Variants in DPP6 observed in about 807,000 individuals in gnomAD.
DPP6 encodes dipeptidyl peptidase like 6.
In DPP6, 69 loss-of-function variants were observed where a neutral mutation model predicts 122.6. The observed-to-expected ratio is 0.56, with a 90% CI of 0.46 to 0.69. The LOEUF is 0.69. DPP6 is among the 30% of genes least tolerant of loss of function. The pLI is 0.00. For missense variants in DPP6, 928 were observed against 1,116.9 expected (o/e 0.83, Z 2.41); for synonymous variants, 418 against 433.1 (o/e 0.97, Z 0.43).
At chr7:154,085,876 C>T (rs1563183731) in intron 1 of DPP6, among the ~76,000 whole-genome samples, 1 of 152,166 alleles carries the variant, frequency 6.6e-6, no homozygotes, top group Non-Finnish European at 1.5e-5. Context: ...AACAGGCGCT[C>T]ACCATCATGC....
chr7:154,356,715 T>TG (rs1811298497), intron 1 of DPP6, among the ~76,000 whole-genome samples: 1 of 152,174 alleles, frequency 6.6e-6, no homozygotes, highest in African/African-American at 2.4e-5. Context: ...AAAATAATAA[T>TG]TCCGGAAGTA....
chr7:153,838,297 G>A, the DPP6 span, among the ~76,000 whole-genome samples: 1 of 152,124 alleles, frequency 6.6e-6, no homozygotes, highest in Non-Finnish European at 1.5e-5. Flanking sequence ...CCCAGTGGAA[G>A]GGTGGGGAAT....
chr7:153,972,756 CT>C (rs146471299), intron 1 of DPP6, among the ~76,000 whole-genome samples: 48 of 145,294 alleles, frequency 3.3e-4, no homozygotes, highest in South Asian at 1.3e-3. Context: ...TAAATTGCAA[CT>C]TTTTTTTTTT....
chr7:154,313,716 C>CAT (rs1563460534), intron 1 of DPP6, among the ~76,000 whole-genome samples: 280 of 22,220 alleles, frequency 0.013, 30 homozygotes, highest in Middle Eastern at 0.036. Flanking sequence ...TATATATATA[C>CAT]ACACACACGC....
intron 1 of DPP6, among the ~76,000 whole-genome samples, chr7:154,368,183 A>G (rs1379076790): frequency 6.6e-6 from 1 of 152,218 alleles, no homozygotes; most frequent in East Asian, 1.9e-4. Context: ...TAATAACCTT[A>G]TAGCGTAAAC....
intron 6 of DPP6, among the ~76,000 whole-genome samples, chr7:154,656,406 T>A (rs1377360394): frequency 1.2e-4 from 2 of 17,298 alleles, no homozygotes; most frequent in Non-Finnish European, 1.5e-4. Context: ...GAGAGGGAGG[T>A]CGGGGGAGAG....
the DPP6 span, among the ~76,000 whole-genome samples, chr7:153,764,606 G>GGA: frequency 6.6e-6 from 1 of 151,966 alleles, no homozygotes; most frequent in South Asian, 2.1e-4. Context: ...GGGAGCTTTT[G>GGA]GAGAGCTTCT....
At chr7:154,387,222 C>T (rs1175514061) in intron 1 of DPP6, among the ~76,000 whole-genome samples, 1 of 152,138 alleles carries the variant, frequency 6.6e-6, no homozygotes, top group African/African-American at 2.4e-5. Flanking sequence ...AGGAGGCTAC[C>T]ATTCATTCCA....
chr7:154,480,768 C>G (rs1823197226), intron 3 of DPP6, among the ~76,000 whole-genome samples: 1 of 152,114 alleles, frequency 6.6e-6, no homozygotes, highest in East Asian at 1.9e-4. Context: ...CTTAATATCT[C>G]CAAGTCTCAG....
rs529311878 is a variant in DPP6 at position 154,052,991 on chromosome 7, C to G, written c.171C>G (p.Gly57=). The change falls in exon 1 of 26, where the codon GGC becomes GGG. Residue 57 remains glycine (G), a synonymous_variant. Transcript: ENST00000377770. This position sits in a 1 kb window ranked among gnomAD's most constrained non-coding sequence, Gnocchi z 4.8. ...RAQAAAPRER[G]GGGGGAGGRP... Reference sequence around the variant, plus strand: ...AGGCGGCGGCGCCCCGGGAGCGCGGCGGCGGCGGCGGCGGCGCGGGTGGCC... The same window carrying G: ...AGGCGGCGGCGCCCCGGGAGCGCGGGGGCGGCGGCGGCGGCGCGGGTGGCC... 3.6e-4 allele frequency: 376 copies of G among 1,048,720 alleles called. 1 individual carries two copies. The East Asian group carries it at 0.019, about 52-fold the overall frequency. 65.0% of individuals were successfully genotyped at this position (1,048,720 alleles called of 1,614,324 possible).
At chr7:154,129,433 C>T (rs1214692990) in intron 1 of DPP6, among the ~76,000 whole-genome samples, 2 of 152,214 alleles carry the variant, frequency 1.3e-5, no homozygotes, top group Admixed American at 6.5e-5. Context: ...CAACCTCACC[C>T]TCCTAGCTCC....
At chr7:154,092,577 T>C (rs1804934467) in intron 1 of DPP6, 1 of 151,460 alleles carries the variant, frequency 6.6e-6, no homozygotes, top group Non-Finnish European at 1.5e-5. Flanking sequence ...ATTAGAATTT[T>C]GGCCAGAATC....
chr7:154,545,636 A>G (rs1177943800), intron 4 of DPP6, among the ~76,000 whole-genome samples: 1 of 152,214 alleles, frequency 6.6e-6, no homozygotes, highest in Non-Finnish European at 1.5e-5. Flanking sequence ...CTTTTAAAAC[A>G]TAATAGAGCA....
intron 6 of DPP6, among the ~76,000 whole-genome samples, chr7:154,654,845 G>A (rs1386246944): frequency 1.3e-5 from 2 of 152,072 alleles, no homozygotes; most frequent in South Asian, 2.1e-4. Context: ...GAGGATTCCT[G>A]CCCTCAAAAA....
At chr7:154,297,505 C>A (rs780041715) in intron 1 of DPP6, among the ~76,000 whole-genome samples, 3 of 152,198 alleles carry the variant, frequency 2.0e-5, no homozygotes, top group Non-Finnish European at 2.9e-5. Context: ...GCTACTGTTT[C>A]TTGCCAGTAT....
At chr7:154,378,540 C>T (rs1269382841) in intron 1 of DPP6, among the ~76,000 whole-genome samples, 2 of 152,144 alleles carry the variant, frequency 1.3e-5, no homozygotes, top group African/African-American at 2.4e-5. Context: ...AGGAGGGCTC[C>T]CTTCCTGGTT....
intron 1 of DPP6, among the ~76,000 whole-genome samples, chr7:154,300,932 A>G (rs894269593): frequency 1.3e-5 from 2 of 152,170 alleles, no homozygotes; most frequent in Non-Finnish European, 2.9e-5. Flanking sequence ...ATGAGGTCCT[A>G]TGGGTGGGCC....
At chr7:154,834,994 A>C in intron 16 of DPP6, among the ~76,000 whole-genome samples, 1 of 152,210 alleles carries the variant, frequency 6.6e-6, no homozygotes, top group East Asian at 1.9e-4. Context: ...AGGGAGAATG[A>C]GAATGACTTA....
At chr7:154,104,049 T>C (rs1278104974) in intron 1 of DPP6, among the ~76,000 whole-genome samples, 3 of 152,226 alleles carry the variant, frequency 2.0e-5, no homozygotes, top group Admixed American at 6.5e-5. Context: ...CCGTTTCATA[T>C]ACACATACAT....
Sources: gnomAD v4.1 joint callset for allele counts (sites outside exome capture counted in the v4.1 genomes callset) on GRCh38, gnomAD v4.1.1 for gene constraint, Gnocchi (gnomAD v3.1) non-coding constraint, MANE v1.5 for transcripts, NCBI Gene and HGNC (gene_info 2026-07-23, HGNC 2026-07-21) for gene names.